TMEM150C: variants seen among roughly 807,000 people sequenced by gnomAD.
The protein encoded by TMEM150C is tentonin 3.
TMEM150C carries 10 observed loss-of-function variants against 29.9 expected under a neutral mutation model. That is an observed-to-expected ratio of 0.33 (90% confidence interval 0.21 to 0.57). The LOEUF is 0.57. Among genes scored for constraint, TMEM150C ranks in the 20% least tolerant of loss-of-function variants. The probability of loss-of-function intolerance (pLI) is 0.88; values close to 1 mark genes in which losing one functional copy is unlikely to be tolerated. For synonymous variants in TMEM150C, 101 were observed against 112.5 expected, an observed-to-expected ratio of 0.90 and a Z score of 0.64; for missense variants, 251 against 303.6, an observed-to-expected ratio of 0.83 and a Z score of 1.29.
At chr4:82,504,780 C>T in intron 1 of TMEM150C, 113 bp from the exon 2 acceptor site, 1 of 787,886 alleles carries the variant, frequency 1.3e-6, no homozygotes, top group Non-Finnish European at 2.1e-6. Flanking sequence ...CCTGTAATCC[C>T]AGCACTTTGG....
intron 1 of TMEM150C, among the ~76,000 whole-genome samples, chr4:82,551,960 A>C (rs1431807027): frequency 2.0e-5 from 3 of 152,190 alleles, no homozygotes; most frequent in South Asian, 2.1e-4. Flanking sequence ...CTGATCCTTC[A>C]TAAATGTCTT....
rs187527514 is a variant in TMEM150C, at chr4:82,551,070, G to A, written c.-11+10836C>T. ...TGCCATAAGTTACTGCAAGAGTTGG[G>A]GGAGAAAGGGAGGTACAGGAAGACA... On this transcript the variant is annotated intron_variant, in intron 1 of 7. Coordinates refer to ENST00000449862, the MANE Select transcript of TMEM150C (RefSeq NM_001080506.3). 1.7e-3 allele frequency among the ~76,000 whole-genome samples: 264 copies of A among 152,260 alleles called. 1 individual carries two copies. The highest frequency in any genetic ancestry group is 5.8e-3 in the African/African-American group (243 of 41,548).
chr4:82,525,446 G>C (rs908553867), intron 1 of TMEM150C, among the ~76,000 whole-genome samples: 1 of 152,164 alleles, frequency 6.6e-6, no homozygotes, highest in South Asian at 2.1e-4. Flanking sequence ...TCTAATTAAC[G>C]ATGGGAGGTG....
intron 1 of TMEM150C, among the ~76,000 whole-genome samples, chr4:82,507,449 G>C (rs1003484597): frequency 3.3e-5 from 5 of 151,496 alleles, no homozygotes; most frequent in Admixed American, 3.3e-4. Context: ...CTGGCTCAAG[G>C]TACTGGGATG....
intron 1 of TMEM150C, among the ~76,000 whole-genome samples, chr4:82,560,373 C>T (rs1346401341): frequency 2.0e-5 from 3 of 152,052 alleles, no homozygotes; most frequent in Non-Finnish European, 4.4e-5. Context: ...ACTTCTTTAC[C>T]CTTTTATTTA....
At chr4:82,560,551 C>T (rs1203892326) in intron 1 of TMEM150C, among the ~76,000 whole-genome samples, 1 of 152,172 alleles carries the variant, frequency 6.6e-6, no homozygotes, top group African/African-American at 2.4e-5. Flanking sequence ...AACATGGAGT[C>T]TCTAGAACAC....
Position 82,485,487 on chromosome 4 carries a change from CACCA to C in TMEM150C, c.*20_*23del, listed in dbSNP as rs1560477111. 16 of 1,567,288 alleles carry C rather than the reference CACCA, an allele frequency of 1.0e-5. No individual in the cohort carries two copies. Among genetic ancestry groups the C allele is most frequent in the Non-Finnish European group, 1.4e-5 (16 of 1,153,920 alleles). Reference sequence around the variant, plus strand: ...CCCTCCCCCACTGTCACACCCACCTCACCAGCAAGGAAAAACTGATGGTTTACAC... The same window carrying C: ...CCCTCCCCCACTGTCACACCCACCTCGCAAGGAAAAACTGATGGTTTACAC... On this transcript the variant is annotated 3_prime_UTR_variant, in exon 8 of 8. Transcript: ENST00000449862.
At position 82,485,396 on chromosome 4, in the gene TMEM150C, A is replaced by ATG. The variant is rs3832273; in HGVS notation, c.*113_*114dup. 0.067 allele frequency: 46,558 copies of ATG among 691,596 alleles called. 1,004 individuals are homozygous for ATG. Among genetic ancestry groups the ATG allele is most frequent in the African/African-American group, 0.15 (7,917 of 54,422 alleles). The allele number at this position is 691,596 out of a possible 1,614,324, so 42.8% of individuals were successfully genotyped here. A position where few individuals can be genotyped will look rare whatever the true frequency, so the allele number is the denominator to read the frequency against. ...GCTCATTTGGCAAATGTGGCCATGA[A>ATG]TGTGTGTGTGTGTGTGTGTGTGAAA... On this transcript the variant is annotated 3_prime_UTR_variant, in exon 8 of 8. Coordinates refer to ENST00000449862, the MANE Select transcript of TMEM150C (RefSeq NM_001080506.3).
At chr4:82,540,755 A>G (rs1199941631) in intron 1 of TMEM150C, among the ~76,000 whole-genome samples, 2 of 152,184 alleles carry the variant, frequency 1.3e-5, no homozygotes, top group Non-Finnish European at 1.5e-5. Flanking sequence ...TGATGTTTTG[A>G]TATATGTATG....
intron 1 of TMEM150C, among the ~76,000 whole-genome samples, chr4:82,548,152 T>G (rs1560499660): frequency 6.6e-6 from 1 of 152,012 alleles, no homozygotes; most frequent in Non-Finnish European, 1.5e-5. Flanking sequence ...AAACAATGGG[T>G]ACTCATGGAC....
chr4:82,546,884 C>A (rs1332089409), intron 1 of TMEM150C, among the ~76,000 whole-genome samples: 1 of 152,036 alleles, frequency 6.6e-6, no homozygotes, highest in African/African-American at 2.4e-5. Flanking sequence ...TCACCATATA[C>A]AAAAATTAAC....
intron 1 of TMEM150C, among the ~76,000 whole-genome samples, chr4:82,511,492 T>TTTTTTTTTTA (rs1724124649): frequency 2.0e-5 from 3 of 149,502 alleles, no homozygotes; most frequent in African/African-American, 2.5e-5. Context: ...TTTTTTTTTT[T>TTTTTTTTTTA]GAGATAGGGT....
At chr4:82,488,374 C>T (rs767205767) in intron 7 of TMEM150C, among the ~76,000 whole-genome samples, 5 of 152,124 alleles carry the variant, frequency 3.3e-5, no homozygotes, top group Admixed American at 6.5e-5. Flanking sequence ...TGTGATCTTG[C>T]GCAAATTAAA....
At position 82,484,439 on chromosome 4, in the gene TMEM150C, GA is replaced by G. The variant is rs1294331681; in HGVS notation, c.*1071del. 2 of 148,876 alleles carry G rather than the reference GA, an allele frequency of 1.3e-5. No individual in the cohort carries two copies. The highest frequency in any genetic ancestry group is 3.0e-5 in the Non-Finnish European group (2 of 67,386). The allele number at this position is 148,876 out of a possible 1,614,324, so 9.2% of individuals were successfully genotyped here. On this transcript the variant is annotated 3_prime_UTR_variant, in exon 8 of 8. Coordinates refer to ENST00000449862, the MANE Select transcript of TMEM150C (RefSeq NM_001080506.3). ...AAAAAAAAAAAACCCTACTAAATTT[GA>G]GCAAAAGATACATATTAACAAAGTC... is the stretch of plus-strand genomic sequence containing the variant.
chr4:82,502,599 G>T, intron 5 of TMEM150C, 128 bp downstream of exon 5: 1 of 891,310 alleles, frequency 1.1e-6, no homozygotes, highest in Non-Finnish European at 1.7e-6. Flanking sequence ...GCTGGCTTCA[G>T]CATATTGACA....
In TMEM150C at chr4:82,551,682, C is replaced by T. The variant is rs1725582161; in HGVS notation, c.-11+10224G>A. Among the ~76,000 whole-genome samples the T allele has an allele frequency of 2.0e-5, 3 of 152,158 alleles. No homozygotes were observed. The South Asian group carries it at 6.2e-4, about 32-fold the overall frequency. On this transcript the variant is annotated intron_variant, in intron 1 of 7. Transcript: ENST00000449862. Reference sequence around the variant, plus strand: ...TGTCACCATCTCTGGAAAGCACCACCTGATGTCTCTCCCCTTATCTATCCA... The same window carrying T: ...TGTCACCATCTCTGGAAAGCACCACTTGATGTCTCTCCCCTTATCTATCCA...
chr4:82,542,386 A>C (rs1403207883), intron 1 of TMEM150C, among the ~76,000 whole-genome samples: 1 of 152,232 alleles, frequency 6.6e-6, no homozygotes, highest in Non-Finnish European at 1.5e-5. Flanking sequence ...GTGGACAAAT[A>C]AAATGGGTTC....
At chr4:82,500,205 TA>T (rs1723693290) in intron 5 of TMEM150C, among the ~76,000 whole-genome samples, 1 of 152,250 alleles carries the variant, frequency 6.6e-6, no homozygotes, top group Admixed American at 6.5e-5. Flanking sequence ...CTAATTTTAA[TA>T]CATGCTACAC....
intron 6 of TMEM150C, chr4:82,490,997 C>T (rs891907333): frequency 4.1e-6 from 3 of 739,242 alleles, no homozygotes; most frequent in Non-Finnish European, 7.4e-6. Flanking sequence ...CTTTGTCTTC[C>T]AAGTTAACCT....
Sources: gnomAD v4.1 joint callset for allele counts (sites outside exome capture counted in the v4.1 genomes callset) on GRCh38, gnomAD v4.1.1 for gene constraint, MANE v1.5 for transcripts, NCBI Gene and HGNC (gene_info 2026-07-23, HGNC 2026-07-21) for gene names.